GABRB2: variants seen among roughly 807,000 people sequenced by gnomAD.
GABRB2 encodes the protein gamma-aminobutyric acid receptor subunit beta-2.
Under a neutral mutation model 54.7 loss-of-function variants are expected in GABRB2, and 16 were observed. The observed-to-expected ratio is 0.29, with a 90% CI of 0.20 to 0.44. GABRB2 has a LOEUF of 0.44. Ranked by LOEUF, GABRB2 falls within the 20% of genes least tolerant of loss-of-function variation. The probability of loss-of-function intolerance (pLI) is 1.00; values close to 1 mark genes in which losing one functional copy is unlikely to be tolerated. For missense variants in GABRB2, 355 were observed against 644.0 expected (o/e 0.55, Z 4.86); for synonymous variants, 244 against 233.8 (o/e 1.04, Z -0.40).
At chr5:161,534,384 C>A (rs570149835) in intron 3 of GABRB2, among the ~76,000 whole-genome samples, 1 of 152,276 alleles carries the variant, frequency 6.6e-6, no homozygotes, top group East Asian at 1.9e-4. Flanking sequence ...ATTGCCCTTT[C>A]CCCTCACCAG....
rs2113329267 is a variant in GABRB2, at chr5:161,291,887, C to T, written c.*2194G>A. 1 of 152,372 alleles carries T rather than the reference C, an allele frequency of 6.6e-6. No homozygotes were observed. The highest frequency in any genetic ancestry group is 1.5e-5 in the Non-Finnish European group (1 of 68,002). The allele number at this position is 152,372 out of a possible 1,614,324, so 9.4% of individuals were successfully genotyped here. On this transcript the variant is annotated 3_prime_UTR_variant, in exon 10 of 10. Coordinates refer to ENST00000393959, the MANE Select transcript of GABRB2 (RefSeq NM_001371727.1). ...TCCTTCCTGATGTTTTTTAGTCAAA[C>T]TTTACCCCCTGTTGACAAGGGGCAG...
intron 4 of GABRB2, among the ~76,000 whole-genome samples, chr5:161,451,403 C>G (rs918882866): frequency 2.6e-5 from 4 of 152,104 alleles, no homozygotes; most frequent in African/African-American, 9.7e-5. Context: ...CAACTGAGAA[C>G]ATAAGAAAGT....
chr5:161,315,310 G>A (rs1757989977), intron 9 of GABRB2, among the ~76,000 whole-genome samples: 5 of 152,244 alleles, frequency 3.3e-5, no homozygotes, highest in Admixed American at 1.3e-4. Flanking sequence ...ACTCTTTGCA[G>A]GGCAGGAGAT....
Position 161,305,325 on chromosome 5 carries a change from A to G in GABRB2, c.1192-10897T>C, listed in dbSNP as rs564282669. On this transcript the variant is annotated intron_variant, in intron 9 of 9. Coordinates refer to ENST00000393959, the MANE Select transcript of GABRB2 (RefSeq NM_001371727.1). ...GCCACCACGCCCGGCCGATATATCA[A>G]TTTTAATAGACATTTCTTTCATTCA... 4.6e-5 allele frequency among the ~76,000 whole-genome samples: 7 copies of G among 152,314 alleles called. No homozygotes were observed. In the East Asian group the frequency reaches 1.4e-3, roughly 29 times the overall value.
chr5:161,387,142 A>T (rs1755664467), intron 5 of GABRB2, among the ~76,000 whole-genome samples: 1 of 152,162 alleles, frequency 6.6e-6, no homozygotes, highest in Non-Finnish European at 1.5e-5. Context: ...TTATTTTCTA[A>T]TAATGTCTAT....
At chr5:161,400,134 G>A (rs1182130272) in intron 5 of GABRB2, among the ~76,000 whole-genome samples, 6 of 152,176 alleles carry the variant, frequency 3.9e-5, no homozygotes, top group Non-Finnish European at 7.3e-5. Flanking sequence ...GTCAGTCTGT[G>A]TTGCAGTTCA....
chr5:161,348,827 G>T (rs1754389279), intron 5 of GABRB2, among the ~76,000 whole-genome samples: 1 of 151,986 alleles, frequency 6.6e-6, no homozygotes, highest in Non-Finnish European at 1.5e-5. Flanking sequence ...TATTTGAAAA[G>T]TTTTAAATTT....
rs531893448 is a variant in GABRB2 at position 161,469,849 on chromosome 5, A to G, written c.238-10005T>C. ...TATGGCCATGAAGTACAAGCTCCTT[A>G]CAAAGCTCTTCACAATCTGTTCTAC... On this transcript the variant is annotated intron_variant, in intron 3 of 9. Coordinates refer to ENST00000393959, the MANE Select transcript of GABRB2 (RefSeq NM_001371727.1). Among the ~76,000 whole-genome samples, 5 of 152,082 alleles carry G rather than the reference A, an allele frequency of 3.3e-5. No individual in the cohort carries two copies. The South Asian group carries it at 1.0e-3, about 32-fold the overall frequency.
chr5:161,488,752 C>A (rs1345523399), intron 3 of GABRB2, among the ~76,000 whole-genome samples: 1 of 151,636 alleles, frequency 6.6e-6, no homozygotes, highest in Admixed American at 6.6e-5. Context: ...ATATGTTTAT[C>A]TGTTTCTTTG....
At chr5:161,403,342 C>G (rs767045425) in intron 5 of GABRB2, among the ~76,000 whole-genome samples, 18 of 152,150 alleles carry the variant, frequency 1.2e-4, no homozygotes, top group Non-Finnish European at 2.5e-4. Flanking sequence ...TCCTAGCACA[C>G]TCTCTTAAAG....
rs1487561342 is a variant in GABRB2, at chr5:161,434,785, T to A, written c.459-23728A>T. Reference sequence around the variant, plus strand: ...CCTAGGTGCCCTAGGTAGCTAGGTATCCTGGAGGCAAATAAGCTATTATAA... The same window carrying A: ...CCTAGGTGCCCTAGGTAGCTAGGTAACCTGGAGGCAAATAAGCTATTATAA... On this transcript the variant is annotated intron_variant, in intron 4 of 9. Transcript: ENST00000393959. 2.0e-5 allele frequency among the ~76,000 whole-genome samples: 3 copies of A among 152,346 alleles called. No homozygotes were observed. In the East Asian group the frequency reaches 5.8e-4, roughly 29 times the overall value.
rs772591708 is a variant in GABRB2, at chr5:161,336,703, G to A, written c.608C>T (p.Thr203Met). The change falls in exon 6 of 10, where the codon ACG becomes ATG. Residue 203 changes from threonine (T) to methionine (M), a missense_variant. Coordinates refer to ENST00000393959, the MANE Select transcript of GABRB2 (RefSeq NM_001371727.1). Reference sequence around the variant, plus strand: ...AGAGAACTGTGGAAGTTCAATTTTCGTTACTCCTGTTACTGCATTATCATC... The same window carrying A: ...AGAGAACTGTGGAAGTTCAATTTTCATTACTCCTGTTACTGCATTATCATC... ...RGDDNAVTGV[T>M]KIELPQFSIV... 7 of 1,611,878 alleles carry A rather than the reference G, an allele frequency of 4.3e-6. No homozygotes were observed. Among genetic ancestry groups the A allele is most frequent in the East Asian group, 2.2e-5 (1 of 44,818 alleles).
intron 4 of GABRB2, among the ~76,000 whole-genome samples, chr5:161,426,910 C>T (rs138661930): frequency 2.6e-5 from 4 of 152,154 alleles, no homozygotes; most frequent in Non-Finnish European, 5.9e-5. Context: ...ACACCATTGT[C>T]ATATGAACAA....
intron 4 of GABRB2, among the ~76,000 whole-genome samples, chr5:161,445,207 C>A (rs1288151703): frequency 6.6e-6 from 1 of 152,004 alleles, no homozygotes; most frequent in Non-Finnish European, 1.5e-5. Context: ...AAATAGTAAA[C>A]AAATACATAA....
At chr5:161,400,966 G>C (rs538111454) in intron 5 of GABRB2, among the ~76,000 whole-genome samples, 2 of 152,110 alleles carry the variant, frequency 1.3e-5, no homozygotes, top group African/African-American at 4.8e-5. Context: ...AGGGGGTGTA[G>C]GGGGTGATGT....
chr5:161,339,564 T>C (rs982716625), intron 5 of GABRB2, among the ~76,000 whole-genome samples: 2 of 152,044 alleles, frequency 1.3e-5, no homozygotes, highest in Non-Finnish European at 1.5e-5. Flanking sequence ...GTCTAGCAAA[T>C]GAAAAAGATA....
intron 8 of GABRB2, chr5:161,327,035 C>T (rs926754658): frequency 1.2e-6 from 1 of 839,940 alleles, no homozygotes; most frequent in Non-Finnish European, 1.4e-6. Flanking sequence ...AAGCAAATTC[C>T]ATTAGGACAC....
At chr5:161,337,104 C>T (rs1038962855) in intron 5 of GABRB2, among the ~76,000 whole-genome samples, 2 of 151,980 alleles carry the variant, frequency 1.3e-5, no homozygotes, top group South Asian at 2.1e-4. Context: ...GGACTTAAAC[C>T]CAGGTTTACC....
intron 6 of GABRB2, 41 bp downstream of exon 6, chr5:161,336,591 G>A: frequency 1.9e-6 from 3 of 1,602,112 alleles, no homozygotes; most frequent in African/African-American, 1.3e-5. Flanking sequence ...ACAAAATACG[G>A]TGAAGATTAT....
Sources: gnomAD v4.1 joint callset for allele counts (sites outside exome capture counted in the v4.1 genomes callset) on GRCh38, gnomAD v4.1.1 for gene constraint, MANE v1.5 for transcripts, NCBI Gene and HGNC (gene_info 2026-07-23, HGNC 2026-07-21) for gene names.